The following CARS1 variants were observed in gnomAD, a reference collection of about 807,000 sequenced individuals.
CARS1 encodes the protein cysteinyl-tRNA synthetase 1, also known as cysteine--tRNA ligase, cytoplasmic.
In CARS1, 48 loss-of-function variants were observed where a neutral mutation model predicts 106.2. The observed-to-expected ratio is 0.45, with a 90% CI of 0.36 to 0.57. CARS1 has a LOEUF of 0.57. Among genes scored for constraint, CARS1 ranks in the 20% least tolerant of loss-of-function variants. CARS1 has a pLI of 0.00. For missense variants in CARS1, 968 were observed against 1,057.2 expected (o/e 0.92, Z 1.17); for synonymous variants, 409 against 403.4 (o/e 1.01, Z -0.17).
chr11:3,034,156 C>T lies in CARS1; in HGVS notation c.801+3894G>A, dbSNP rs1853257123. ...TGCCAACATGTAACAGAGATGAATTCGTGTCTTAGTCTGTTTTCTGTTTTT... is the reference window on the plus strand; with the variant it reads ...TGCCAACATGTAACAGAGATGAATTTGTGTCTTAGTCTGTTTTCTGTTTTT... On this transcript the variant is annotated intron_variant, in intron 7 of 22. Transcript: ENST00000380525. This position sits in a 1 kb window ranked among gnomAD's most constrained non-coding sequence, Gnocchi z 6.3. Among the ~76,000 whole-genome samples the T allele has an allele frequency of 6.6e-6, 1 of 151,506 alleles. No individual in the cohort carries two copies. Among genetic ancestry groups the T allele is most frequent in the South Asian group, 2.1e-4 (1 of 4,750 alleles).
At chr11:3,055,200 G>T (rs972855872) in intron 1 of CARS1, among the ~76,000 whole-genome samples, 3 of 151,838 alleles carry the variant, frequency 2.0e-5, no homozygotes, top group Admixed American at 1.3e-4. Flanking sequence ...TCGCTCTGTC[G>T]CCCAGGCTGG....
At chr11:3,027,637 T>G (rs1309237795) in intron 9 of CARS1, 5 of 222,842 alleles carry the variant, frequency 2.2e-5, no homozygotes, top group Non-Finnish European at 4.8e-5. Flanking sequence ...CGCTCTATAA[T>G]CATAATCTAG....
chr11:3,056,433 GAGA>G (rs540588744), intron 1 of CARS1, among the ~76,000 whole-genome samples: 145 of 152,340 alleles, frequency 9.5e-4, no homozygotes, highest in African/African-American at 2.7e-3. Context: ...GGGACAGTGA[GAGA>G]AGAACCCACT....
At chr11:3,026,893 T>A (rs905243023) in intron 9 of CARS1, 96 bp from the exon 10 acceptor site, 2 of 1,411,794 alleles carry the variant, frequency 1.4e-6, no homozygotes, top group Admixed American at 3.9e-5. Context: ...GCTATAAAAG[T>A]GCGAAATCTG....
rs1282237640 is a variant in CARS1, at chr11:3,043,615, GC to G, written c.275-1360del. On this transcript the variant is annotated intron_variant, in intron 2 of 22. Coordinates refer to ENST00000380525, the MANE Select transcript of CARS1 (RefSeq NM_001014437.3). The surrounding 1 kb of genome is among the most constrained non-coding windows in gnomAD (Gnocchi z 4.0). ...CAGCTCACCAGGGTGCTCGCATCCTGCCTCCTCCTGTCCCTGGTTTCTGTGC... is the reference window on the plus strand; with the variant it reads ...CAGCTCACCAGGGTGCTCGCATCCTGCTCCTCCTGTCCCTGGTTTCTGTGC... Among the ~76,000 whole-genome samples the G allele has an allele frequency of 2.0e-5, 3 of 151,734 alleles. No individual in the cohort carries two copies. Among genetic ancestry groups the G allele is most frequent in the African/African-American group, 7.3e-5 (3 of 41,270 alleles).
chr11:3,026,575 G>A lies in CARS1; in HGVS notation c.1153+101C>T. On this transcript the variant is annotated intron_variant, in intron 10 of 22. Transcript: ENST00000380525. ...GAAAAAGCACTGTTCCCAAGAGTCT[G>A]AGGGGTGGGCTCAGCGCAGCCCCCG... is the stretch of plus-strand genomic sequence containing the variant. The A allele has an allele frequency of 6.3e-6, 8 of 1,269,484 alleles. No homozygotes were observed. The South Asian group carries it at 1.2e-4, about 18-fold the overall frequency. 78.6% of individuals were successfully genotyped at this position (1,269,484 alleles called of 1,614,324 possible). A position where few individuals can be genotyped will look rare whatever the true frequency, so the allele number is the denominator to read the frequency against.
chr11:3,038,323 G>A lies in CARS1; in HGVS notation c.652-124C>T, dbSNP rs1468532394. ...TGGCCCCATAGAGATAGAGAAGTGT[G>A]CAACCCAAGTGGCCAGGCAGTAAGG... On this transcript the variant is annotated intron_variant, in intron 6 of 22. Coordinates refer to ENST00000380525, the MANE Select transcript of CARS1 (RefSeq NM_001014437.3). The surrounding 1 kb of genome is among the most constrained non-coding windows in gnomAD (Gnocchi z 4.0). 2.2e-5 allele frequency: 20 copies of A among 891,330 alleles called. No individual in the cohort carries two copies. Among genetic ancestry groups the A allele is most frequent in the African/African-American group, 5.0e-5 (3 of 59,912 alleles). The allele number at this position is 891,330 out of a possible 1,614,324, so 55.2% of individuals were successfully genotyped here.
chr11:3,012,675 C>T (rs1346468310), intron 17 of CARS1, among the ~76,000 whole-genome samples: 1 of 152,208 alleles, frequency 6.6e-6, no homozygotes, highest in African/African-American at 2.4e-5. Flanking sequence ...CATCACTCCC[C>T]AGGCTGGGGC....
chr11:3,020,167 G>T lies in CARS1; in HGVS notation c.1266+53C>A. The stretch of plus-strand genomic sequence containing the variant: ...CCTCTGCTGGGGGCCTGAGAGTGTG[G>T]CTGGCGCCAGTGCCCCTGTCCAAGC... On this transcript the variant is annotated intron_variant, in intron 11 of 22. Transcript: ENST00000380525. This position sits in a 1 kb window ranked among gnomAD's most constrained non-coding sequence, Gnocchi z 4.6. 9.4e-7 allele frequency: 1 copy of T among 1,060,656 alleles called. No homozygotes were observed. Among genetic ancestry groups the T allele is most frequent in the Non-Finnish European group, 1.5e-6 (1 of 676,230 alleles). 65.7% of individuals were successfully genotyped at this position (1,060,656 alleles called of 1,614,324 possible). A position where few individuals can be genotyped will look rare whatever the true frequency, so the allele number is the denominator to read the frequency against.
At chr11:3,036,194 C>T (rs1009588615) in intron 7 of CARS1, among the ~76,000 whole-genome samples, 4 of 152,198 alleles carry the variant, frequency 2.6e-5, no homozygotes, top group South Asian at 2.1e-4. Context: ...TTGAAGACTC[C>T]GCCTGAGCTT....
At position 3,057,363 on chromosome 11, in the gene CARS1, G is replaced by A; in HGVS notation, c.5C>T (p.Ala2Val). The A allele has an allele frequency of 6.2e-7, 1 of 1,610,630 alleles. No individual in the cohort carries two copies. The highest frequency in any genetic ancestry group is 8.5e-7 in the Non-Finnish European group (1 of 1,178,880). The change falls in exon 1 of 23, where the codon GCA becomes GTA. Residue 2 changes from alanine to valine, a missense_variant. Transcript: ENST00000380525. ...CTCACCCTGCTGCCCGGAGGAATCT[G>A]CCATGGCTGGGAATCCCGGACCCGC... The part of the protein sequence containing the change: M[A>V]DSSGQQAPDY...
chr11:3,012,098 C>A (rs1204010373), intron 18 of CARS1, 97 bp downstream of exon 18: 20 of 1,122,980 alleles, frequency 1.8e-5, no homozygotes, highest in Non-Finnish European at 2.6e-5. Context: ...AGAGGATGAT[C>A]CGGCCTGAAC....
intron 19 of CARS1, among the ~76,000 whole-genome samples, chr11:3,005,763 G>A (rs1849803998): frequency 6.6e-6 from 1 of 151,726 alleles, no homozygotes; most frequent in South Asian, 2.1e-4. Context: ...TGCCCAAGGA[G>A]CCCACACCCA....
chr11:3,002,812 C>T (rs1462672805), intron 20 of CARS1, among the ~76,000 whole-genome samples: 2 of 152,142 alleles, frequency 1.3e-5, no homozygotes, highest in African/African-American at 4.8e-5. Flanking sequence ...TCAGCGGCAC[C>T]CCTGGGTGCC....
Position 3,044,417 on chromosome 11 carries a change from C to CTT in CARS1, c.275-2163_275-2162dup, listed in dbSNP as rs548042692. Among the ~76,000 whole-genome samples, 150 of 146,860 alleles carry CTT rather than the reference C, an allele frequency of 1.0e-3. No homozygotes were observed. The highest frequency in any genetic ancestry group is 3.6e-3 in the African/African-American group (145 of 40,362). On this transcript the variant is annotated intron_variant, in intron 2 of 22. Coordinates refer to ENST00000380525, the MANE Select transcript of CARS1 (RefSeq NM_001014437.3). This position sits in a 1 kb window ranked among gnomAD's most constrained non-coding sequence, Gnocchi z 4.4. ...ATATCACATAAGGACCCTTGCCCCC[C>CTT]TTTTTTTTTTTTAGATAAAATCTGG...
At chr11:3,005,234 C>T in intron 20 of CARS1, 132 bp downstream of exon 20, 1 of 605,368 alleles carries the variant, frequency 1.7e-6, no homozygotes, top group Non-Finnish European at 2.8e-6. Context: ...ATTTTTCTTT[C>T]TGACATTTAT....
At chr11:3,042,128 T>A in intron 3 of CARS1, 37 bp downstream of exon 3, 1 of 1,502,086 alleles carries the variant, frequency 6.7e-7, no homozygotes, top group South Asian at 1.1e-5. Flanking sequence ...TGCCTCCCCA[T>A]TGTGTGCGTG....
rs1269929563 is a variant in CARS1, at chr11:3,034,569, C to T, written c.801+3481G>A. Among the ~76,000 whole-genome samples the T allele has an allele frequency of 1.3e-5, 2 of 150,866 alleles. No homozygotes were observed. The highest frequency in any genetic ancestry group is 6.6e-5 in the Admixed American group (1 of 15,132). On this transcript the variant is annotated intron_variant, in intron 7 of 22. Transcript: ENST00000380525. The surrounding 1 kb of genome is among the most constrained non-coding windows in gnomAD (Gnocchi z 6.3). ...TTTTTGAGACGGAGTCTTGCTTCGT[C>T]GCCAGGCTGCAGTGCAACAGCACGA...
chr11:3,028,794 G>A lies in CARS1; in HGVS notation c.1031+202C>T. ...AGATTCTGGGTTAGGTTCTCACCAT[G>A]GCCCCCAGGACAGTGCAGACCCATG... is the stretch of plus-strand genomic sequence containing the variant. On this transcript the variant is annotated intron_variant, in intron 9 of 22. Coordinates refer to ENST00000380525, the MANE Select transcript of CARS1 (RefSeq NM_001014437.3). This position sits in a 1 kb window ranked among gnomAD's most constrained non-coding sequence, Gnocchi z 4.4. The A allele has an allele frequency of 1.8e-6, 1 of 544,806 alleles. No individual in the cohort carries two copies. Among genetic ancestry groups the A allele is most frequent in the Non-Finnish European group, 3.2e-6 (1 of 308,642 alleles). The allele number at this position is 544,806 out of a possible 1,614,324, so 33.7% of individuals were successfully genotyped here.
Sources: gnomAD v4.1 joint callset for allele counts (sites outside exome capture counted in the v4.1 genomes callset) on GRCh38, gnomAD v4.1.1 for gene constraint, Gnocchi (gnomAD v3.1) non-coding constraint, MANE v1.5 for transcripts, NCBI Gene and HGNC (gene_info 2026-07-23, HGNC 2026-07-21) for gene names.